Variants in CFAP46 observed in about 807,000 individuals in gnomAD.
CFAP46 encodes the protein cilia- and flagella-associated protein 46.
In CFAP46, 245 loss-of-function variants were observed where a neutral mutation model predicts 325.7. That is an observed-to-expected ratio of 0.75 (90% confidence interval 0.68 to 0.84). The LOEUF (loss-of-function observed/expected upper bound fraction) is 0.84. CFAP46 is among the 40% of genes least tolerant of loss of function. CFAP46 has a pLI of 0.00. For missense variants in CFAP46, 3,346 were observed against 3,543.0 expected, an observed-to-expected ratio of 0.94 and a Z score of 1.41; for synonymous variants, 1,523 against 1,495.9, an observed-to-expected ratio of 1.02 and a Z score of -0.42.
chr10:132,908,646 T>G lies in CFAP46; in HGVS notation c.2758-12A>C. ...GCCATTTTCACCAACTTCCGGTGGG[T>G]GGCAAGAGAAGGGGCACCGTGTTAG... On this transcript the variant is annotated splice_polypyrimidine_tract_variant and intron_variant, in intron 21 of 57. Transcript: ENST00000368586. 6.6e-7 allele frequency: 1 copy of G among 1,526,018 alleles called. No homozygotes were observed. Among genetic ancestry groups the G allele is most frequent in the Non-Finnish European group, 8.8e-7 (1 of 1,133,778 alleles). The allele number at this position is 1,526,018 out of a possible 1,614,324, so 94.5% of individuals were successfully genotyped here. A position where few individuals can be genotyped will look rare whatever the true frequency, so the allele number is the denominator to read the frequency against.
At position 132,814,186 on chromosome 10, in the gene CFAP46, A is replaced by T. The variant is rs1431676055; in HGVS notation, c.7354T>A (p.Trp2452Arg). Residue 2452 changes from tryptophan to arginine, a missense_variant, in exon 54 of 58, where the codon TGG (tryptophan) becomes AGG (arginine). Coordinates refer to ENST00000368586, the MANE Select transcript of CFAP46 (RefSeq NM_001200049.3). ...ERFQDTFTSR[W>R]AGHLGSKHFP... ...TGCTTGCTTCCCAGATGTCCCGCCC[A>T]TCGCGACGTGAATGTGTCTTGGAAT... 4 of 1,613,898 alleles carry T rather than the reference A, an allele frequency of 2.5e-6. No individual in the cohort carries two copies. The highest frequency in any genetic ancestry group is 3.4e-6 in the Non-Finnish European group (4 of 1,179,988).
intron 39 of CFAP46, among the ~76,000 whole-genome samples, chr10:132,856,433 TCTC>T (rs1474405446): frequency 3.9e-5 from 6 of 152,220 alleles, no homozygotes; most frequent in Non-Finnish European, 7.3e-5. Context: ...TATTCTACTT[TCTC>T]CTCTTCTCCC....
chr10:132,883,625 C>CG (rs1438338171), intron 27 of CFAP46, among the ~76,000 whole-genome samples: 3 of 152,214 alleles, frequency 2.0e-5, no homozygotes, highest in Non-Finnish European at 4.4e-5. Flanking sequence ...GCTGTGCCCC[C>CG]GGGGGACGAG....
At chr10:132,859,286 C>T (rs1180538736) in intron 37 of CFAP46, 39 bp from the exon 38 acceptor site, 2 of 1,525,132 alleles carry the variant, frequency 1.3e-6, no homozygotes, top group Middle Eastern at 1.7e-4. Context: ...GTCAGAAGCC[C>T]CAGGGCCGCG....
chr10:132,855,823 C>A (rs1848633822), intron 39 of CFAP46, among the ~76,000 whole-genome samples: 1 of 152,172 alleles, frequency 6.6e-6, no homozygotes, highest in South Asian at 2.1e-4. Context: ...TTAGAGACCC[C>A]ATGCTACATT....
chr10:132,922,675 C>T lies in CFAP46; in HGVS notation c.1290G>A (p.Met430Ile), dbSNP rs1488364418. 2 of 1,549,874 alleles carry T rather than the reference C, an allele frequency of 1.3e-6. No homozygotes were observed. Among genetic ancestry groups the T allele is most frequent in the Non-Finnish European group, 1.7e-6 (2 of 1,146,676 alleles). The change falls in exon 12 of 58, where the codon ATG becomes ATA. Residue 430 changes from methionine (M) to isoleucine (I), a missense_variant. Transcript: ENST00000368586. ...LMTLLRCQVH[M>I]EMAQIEEDED... The stretch of plus-strand genomic sequence containing the variant: ...CGTCCTCCTCGATCTGCGCCATCTC[C>T]ATGTGCACTTGACAGCGGAGAAGCG...
rs1055910848 is a variant in CFAP46 at position 132,817,070 on chromosome 10, G to C, written c.7118-2156C>G. Among the ~76,000 whole-genome samples, 1 of 152,100 alleles carries C rather than the reference G, an allele frequency of 6.6e-6. No homozygotes were observed. The highest frequency in any genetic ancestry group is 2.1e-4 in the South Asian group (1 of 4,814). ...CTGAATCTCTCTCTTTTTGCTCTTTGTCTGGACCGTCAGTAATCCAGGCGT... is the reference window on the plus strand; with the variant it reads ...CTGAATCTCTCTCTTTTTGCTCTTTCTCTGGACCGTCAGTAATCCAGGCGT... On this transcript the variant is annotated intron_variant, in intron 50 of 57. Coordinates refer to ENST00000368586, the MANE Select transcript of CFAP46 (RefSeq NM_001200049.3). This position sits in a 1 kb window ranked among gnomAD's most constrained non-coding sequence, Gnocchi z 4.4.
At chr10:132,823,496 T>C (rs1847940481) in intron 50 of CFAP46, among the ~76,000 whole-genome samples, 8 of 121,962 alleles carry the variant, frequency 6.6e-5, no homozygotes, top group East Asian at 2.9e-4. Flanking sequence ...TGTGTGCTGA[T>C]GTGTGCTGTG....
chr10:132,909,843 C>G (rs1486186981), intron 20 of CFAP46, 76 bp downstream of exon 20: 1 of 1,329,624 alleles, frequency 7.5e-7, no homozygotes, highest in East Asian at 3.0e-5. Context: ...CCGGGGGCCC[C>G]ACCACCCCCG....
At position 132,860,928 on chromosome 10, in the gene CFAP46, C is replaced by A. The variant is rs1848712856; in HGVS notation, c.4945G>T (p.Ala1649Ser). 11 of 1,550,698 alleles carry A rather than the reference C, an allele frequency of 7.1e-6. No individual in the cohort carries two copies. The highest frequency in any genetic ancestry group is 8.7e-6 in the Non-Finnish European group (10 of 1,147,034). ...AQCLLLLAQL[A>S]NKEKNYGQAK... ...TGTCCATAGTTTTTCTCCTTGTTGG[C>A]CAACTGTGCGAGGAGGAGCAGGCAC... is the stretch of plus-strand genomic sequence containing the variant. Residue 1649 changes from alanine to serine, a missense_variant, in exon 36 of 58, where the codon GCC (alanine) becomes TCC (serine). Ala to Ser is a moderately conservative substitution (Grantham distance 99). Transcript: ENST00000368586.
chr10:132,937,121 G>T, intron 6 of CFAP46, 66 bp from the exon 7 acceptor site: 1 of 938,332 alleles, frequency 1.1e-6, no homozygotes, highest in Non-Finnish European at 1.5e-6. Flanking sequence ...CAGATTTTGT[G>T]TCTAGATTTT....
At position 132,937,149 on chromosome 10, in the gene CFAP46, G is replaced by A. The variant is rs1850020963; in HGVS notation, c.661-94C>T. 1.4e-5 allele frequency: 10 copies of A among 703,348 alleles called. No homozygotes were observed. The Admixed American group carries it at 2.9e-4, about 20-fold the overall frequency. The allele number at this position is 703,348 out of a possible 1,614,324, so 43.6% of individuals were successfully genotyped here. On this transcript the variant is annotated intron_variant, in intron 6 of 57. Transcript: ENST00000368586. ...TAGATTTTATTTTCTCATTAATTTT[G>A]TATCTAGCTTTTCAGATACAACTTA...
At chr10:132,924,103 C>T (rs1194118701) in intron 11 of CFAP46, among the ~76,000 whole-genome samples, 1 of 152,048 alleles carries the variant, frequency 6.6e-6, no homozygotes, top group Non-Finnish European at 1.5e-5. Context: ...CTGTGATTCT[C>T]CAGCCACCCT....
intron 24 of CFAP46, among the ~76,000 whole-genome samples, chr10:132,897,204 A>G (rs1849331252): frequency 6.6e-6 from 1 of 152,252 alleles, no homozygotes; most frequent in Non-Finnish European, 1.5e-5. Context: ...ATGTAGCAGG[A>G]CCAGGGATAT....
At position 132,834,751 on chromosome 10, in the gene CFAP46, C is replaced by T; in HGVS notation, c.6769G>A (p.Glu2257Lys). ...AGCCTCTGCACAGGGCGCTCCTTCT[C>T]TTCCACCTGCAGGCCTTCTGGTTCC... ...GSEPEGLQVEEKERPVQRLSS... is the reference protein window; with the variant it reads ...GSEPEGLQVEKKERPVQRLSS... Residue 2257 changes from glutamate (E) to lysine (K), a missense_variant, in exon 48 of 58, where the codon GAG (glutamate) becomes AAG (lysine). Coordinates refer to ENST00000368586, the MANE Select transcript of CFAP46 (RefSeq NM_001200049.3). 6.2e-7 allele frequency: 1 copy of T among 1,612,668 alleles called. No individual in the cohort carries two copies. The highest frequency in any genetic ancestry group is 8.5e-7 in the Non-Finnish European group (1 of 1,179,446).
Position 132,885,846 on chromosome 10 carries a change from C to T in CFAP46, c.3418G>A (p.Val1140Met). ...GLKVLDEAVQ[V>M]LPRTAHRLLI... is the part of the protein sequence containing the mutation. ...AGGCGGTGGGCCGTCCTTGGCAGCA[C>T]CTGCACAGCCTCGTCCAGCACCTTG... Residue 1140 changes from valine to methionine, a missense_variant, in exon 26 of 58, where the codon GTG becomes ATG. By Grantham distance (21) the Val-to-Met change is conservative (BLOSUM62 1). Transcript: ENST00000368586. The T allele has an allele frequency of 6.5e-7, 1 of 1,548,156 alleles. No homozygotes were observed. Among genetic ancestry groups the T allele is most frequent in the Non-Finnish European group, 8.7e-7 (1 of 1,146,074 alleles).
At chr10:132,820,739 ATGTGTGCTG>A (rs1350860319) in intron 50 of CFAP46, among the ~76,000 whole-genome samples, 3 of 98,226 alleles carry the variant, frequency 3.1e-5, no homozygotes, top group Non-Finnish European at 6.1e-5. Context: ...GTGTGCACTG[ATGTGTGCTG>A]TGTGTGCTGA....
Position 132,808,500 on chromosome 10 carries a change from C to G in CFAP46, c.8069G>C (p.Gly2690Ala), listed in dbSNP as rs779116312. The G allele has an allele frequency of 6.2e-7, 1 of 1,613,244 alleles. No individual in the cohort carries two copies. Among genetic ancestry groups the G allele is most frequent in the Admixed American group, 1.7e-5 (1 of 60,026 alleles). The change falls in exon 58 of 58, where the codon GGC (glycine) becomes GCC (alanine). Residue 2690 changes from glycine to alanine, a missense_variant. Gly to Ala is a moderately conservative substitution (Grantham distance 60). Coordinates refer to ENST00000368586, the MANE Select transcript of CFAP46 (RefSeq NM_001200049.3). The surrounding 1 kb of genome is among the most constrained non-coding windows in gnomAD (Gnocchi z 6.8). The stretch of plus-strand genomic sequence containing the variant: ...CACCAGCGCCGCCAAGGGGAGGCCG[C>G]CCTTGTCCTGGCCCCGGGAAGAGAC... ...SCVSSRGQDK[G>A]GLPLAALVLS...
Position 132,912,762 on chromosome 10 carries a change from A to T in CFAP46, c.2392T>A (p.Trp798Arg). ...TTCTCGGCAGCCTGGACTGGAATCC[A>T]GCTGATGATCAGGCCTCGCGCCAAG... The part of the protein sequence containing the change: ...NTLARGLIIS[W>R]IPVQAAEKSR... The change falls in exon 19 of 58, where the codon TGG becomes AGG. Residue 798 changes from tryptophan to arginine, a missense_variant. Physicochemically the swap from Trp to Arg is moderately radical, Grantham distance 101. Transcript: ENST00000368586. 1 of 1,550,286 alleles carries T rather than the reference A, an allele frequency of 6.5e-7. No homozygotes were observed.
Sources: allele counts gnomAD v4.1 joint callset (sites outside exome capture counted in the v4.1 genomes callset), GRCh38; gene constraint gnomAD v4.1.1; non-coding constraint Gnocchi (gnomAD v3.1); transcripts MANE v1.5; gene names NCBI Gene and HGNC (gene_info 2026-07-23, HGNC 2026-07-21).